The following MTUS2 variants were observed in gnomAD, a reference collection of about 807,000 sequenced individuals.
MTUS2 encodes the protein microtubule associated scaffold protein 2.
Under a neutral mutation model 114.1 loss-of-function variants are expected in MTUS2, and 40 were observed. That is an observed-to-expected ratio of 0.35 (90% CI 0.27 to 0.46). The LOEUF (loss-of-function observed/expected upper bound fraction) is 0.46. Ranked by LOEUF, MTUS2 falls within the 20% of genes least tolerant of loss-of-function variation. MTUS2 has a pLI of 1.00. For synonymous variants in MTUS2, 688 were observed against 672.0 expected, an observed-to-expected ratio of 1.02 and a Z score of -0.37; for missense variants, 1,679 against 1,705.4, an observed-to-expected ratio of 0.98 and a Z score of 0.27.
chr13:29,015,935 C>T (rs574465232), intron 2 of MTUS2, among the ~76,000 whole-genome samples: 4 of 151,976 alleles, frequency 2.6e-5, no homozygotes, highest in Admixed American at 6.6e-5. Flanking sequence ...GATGAAGTCT[C>T]GCTCTGTCTC....
chr13:29,112,697 G>C (rs974144517), intron 5 of MTUS2, among the ~76,000 whole-genome samples: 2 of 152,110 alleles, frequency 1.3e-5, no homozygotes, highest in African/African-American at 4.8e-5. Context: ...AATAGTAGAT[G>C]GAGCAATTCC....
intron 9 of MTUS2, chr13:29,476,489 T>C (rs1009280721): frequency 2.0e-5 from 3 of 152,224 alleles, no homozygotes; most frequent in African/African-American, 7.2e-5. Flanking sequence ...CCATGTTATG[T>C]TAGTTTTTTA....
At chr13:29,207,240 T>C (rs974866925) in intron 5 of MTUS2, among the ~76,000 whole-genome samples, 2 of 152,168 alleles carry the variant, frequency 1.3e-5, no homozygotes, top group African/African-American at 4.8e-5. Context: ...TTGCTGTTGG[T>C]GTATAGCAGT....
intron 8 of MTUS2, among the ~76,000 whole-genome samples, chr13:29,389,467 G>GTATATGTATACACGTGTGTGTATGTGTA (rs1566173188): frequency 1.4e-5 from 1 of 74,050 alleles, no homozygotes; most frequent in African/African-American, 4.3e-5. Flanking sequence ...GTGTGTATGT[G>GTATATGTATACACGTGTGTGTATGTGTA]TATATGTATA....
intron 5 of MTUS2, among the ~76,000 whole-genome samples, chr13:29,176,878 C>G (rs1367862848): frequency 1.3e-5 from 2 of 151,352 alleles, no homozygotes; most frequent in Non-Finnish European, 2.9e-5. Flanking sequence ...CCTCCCTCCT[C>G]TCTCTGGACA....
intron 10 of MTUS2, chr13:29,487,409 A>G (rs1881702052): frequency 6.5e-6 from 1 of 154,420 alleles, no homozygotes; most frequent in Non-Finnish European, 1.4e-5. Flanking sequence ...TCAATTGGGC[A>G]TAAAAAGATA....
intron 5 of MTUS2, among the ~76,000 whole-genome samples, chr13:29,245,014 C>CATATTAGG (rs1896868895): frequency 7.4e-6 from 1 of 134,946 alleles, no homozygotes; most frequent in South Asian, 2.5e-4. Context: ...ATGTAAAGGA[C>CATATTAGG]ATATTAGGCT....
chr13:28,936,228 C>T (rs1453798819), intron 2 of MTUS2, among the ~76,000 whole-genome samples: 1 of 152,090 alleles, frequency 6.6e-6, no homozygotes, highest in Non-Finnish European at 1.5e-5. Flanking sequence ...CATGCTGGTA[C>T]CTTTGTCACC....
At chr13:29,195,958 G>A (rs1243929461) in intron 5 of MTUS2, among the ~76,000 whole-genome samples, 1 of 152,148 alleles carries the variant, frequency 6.6e-6, no homozygotes. Context: ...CTTTGAAGAA[G>A]GACTGATGCG....
chr13:29,248,936 A>T (rs187146690), intron 5 of MTUS2, among the ~76,000 whole-genome samples: 1 of 152,190 alleles, frequency 6.6e-6, no homozygotes, highest in South Asian at 2.1e-4. Context: ...TGCAATAAAC[A>T]TATGTATGCA....
intron 5 of MTUS2, among the ~76,000 whole-genome samples, chr13:29,130,098 G>C (rs920822282): frequency 6.6e-6 from 1 of 152,178 alleles, no homozygotes; most frequent in African/African-American, 2.4e-5. Context: ...AGAATGGAGT[G>C]AGTCCAAGAA....
intron 8 of MTUS2, among the ~76,000 whole-genome samples, chr13:29,425,405 C>CAACA (rs57417008): frequency 0.025 from 3,779 of 150,962 alleles, 156 homozygotes; most frequent in African/African-American, 0.087. Flanking sequence ...GACTCTGTCT[C>CAACA]AACAAACAAA....
intron 2 of MTUS2, among the ~76,000 whole-genome samples, chr13:29,014,621 C>T (rs892307085): frequency 3.3e-5 from 5 of 152,146 alleles, no homozygotes; most frequent in Non-Finnish European, 5.9e-5. Flanking sequence ...GGAGGACCAT[C>T]CAGGAAAGCC....
chr13:29,043,590 A>G (rs2475543), intron 4 of MTUS2, among the ~76,000 whole-genome samples: 146,668 of 151,858 alleles, frequency 0.97, 70,872 homozygotes, highest in South Asian at 0.98. Context: ...TTTAGTTTTA[A>G]TAGTAATTAT....
At chr13:29,210,508 G>T (rs4769004) in intron 5 of MTUS2, among the ~76,000 whole-genome samples, 1 of 152,040 alleles carries the variant, frequency 6.6e-6, no homozygotes, top group Non-Finnish European at 1.5e-5. Flanking sequence ...ATCTTGTTTT[G>T]TCATATTACC....
chr13:29,014,610 A>G (rs1199275316), intron 2 of MTUS2, among the ~76,000 whole-genome samples: 1 of 152,212 alleles, frequency 6.6e-6, no homozygotes, highest in Admixed American at 6.5e-5. Flanking sequence ...CTGAGGGTAG[A>G]GGAGGACCAT....
chr13:28,991,748 C>T (rs1019145013), intron 2 of MTUS2, among the ~76,000 whole-genome samples: 2 of 152,130 alleles, frequency 1.3e-5, no homozygotes, highest in Admixed American at 6.5e-5. Flanking sequence ...AGCTTTAAAC[C>T]TGGCTACTTC....
At chr13:29,031,573 C>T (rs1180121788) in intron 3 of MTUS2, among the ~76,000 whole-genome samples, 1 of 151,878 alleles carries the variant, frequency 6.6e-6, no homozygotes, top group Non-Finnish European at 1.5e-5. Context: ...CTAGCAGAAT[C>T]CCCTTTTCTT....
At chr13:28,906,857 A>G (rs981882872) in intron 2 of MTUS2, among the ~76,000 whole-genome samples, 1 of 151,590 alleles carries the variant, frequency 6.6e-6, no homozygotes, top group African/African-American at 2.4e-5. Flanking sequence ...AACTTCCCCA[A>G]TCTAGCAAGG....
Sources: allele counts gnomAD v4.1 joint callset (sites outside exome capture counted in the v4.1 genomes callset), GRCh38; gene constraint gnomAD v4.1.1; transcripts MANE v1.5; gene names NCBI Gene and HGNC (gene_info 2026-07-23, HGNC 2026-07-21).